RBFOX1: variants seen among roughly 807,000 people sequenced by gnomAD.
The protein encoded by RBFOX1 is RNA binding fox-1 homolog 1.
Under a neutral mutation model 57.7 loss-of-function variants are expected in RBFOX1, and 8 were observed. That is an observed-to-expected ratio of 0.14 (90% CI 0.08 to 0.25). RBFOX1 has a LOEUF of 0.25. Among genes scored for constraint, RBFOX1 ranks in the 10% least tolerant of loss-of-function variants. RBFOX1 has a pLI of 1.00. For synonymous variants in RBFOX1, 326 were observed against 222.4 expected, an observed-to-expected ratio of 1.47 and a Z score of -4.15; for missense variants, 611 against 548.5, an observed-to-expected ratio of 1.11 and a Z score of -1.14.
intron 2 of RBFOX1, among the ~76,000 whole-genome samples, chr16:6,547,223 A>G (rs992418317): frequency 6.6e-5 from 10 of 152,186 alleles, no homozygotes; most frequent in African/African-American, 2.4e-4. Flanking sequence ...CTAAAGTGGC[A>G]TATAGTATCT....
At chr16:6,792,094 T>A (rs1438283650) in intron 3 of RBFOX1, among the ~76,000 whole-genome samples, 1 of 152,150 alleles carries the variant, frequency 6.6e-6, no homozygotes, top group Non-Finnish European at 1.5e-5. Flanking sequence ...CTAAATACAT[T>A]TTAATAGTGG....
intron 3 of RBFOX1, among the ~76,000 whole-genome samples, chr16:6,767,957 AAGAAG>A (rs1215216725): frequency 3.0e-5 from 3 of 101,318 alleles, no homozygotes; most frequent in East Asian, 3.3e-4. Context: ...TAAGAAGAAG[AAGAAG>A]AAGAAGAAGA....
At chr16:7,227,084 T>G (rs1263642867) in intron 4 of RBFOX1, among the ~76,000 whole-genome samples, 1 of 152,162 alleles carries the variant, frequency 6.6e-6, no homozygotes, top group African/African-American at 2.4e-5. Context: ...CTGGCCAGTT[T>G]CTGTCATTTA....
At chr16:7,586,282 C>G (rs1439428033) in intron 6 of RBFOX1, among the ~76,000 whole-genome samples, 1 of 152,130 alleles carries the variant, frequency 6.6e-6, no homozygotes, top group Non-Finnish European at 1.5e-5. Flanking sequence ...CACAATACTT[C>G]ATGTGATCTC....
At chr16:6,083,436 A>C (rs1336696578) in intron 1 of RBFOX1, among the ~76,000 whole-genome samples, 1 of 152,106 alleles carries the variant, frequency 6.6e-6, no homozygotes, top group Admixed American at 6.5e-5. Context: ...TTTCAACTGC[A>C]TATCATTACT....
At chr16:6,928,540 C>A (rs746966647) in intron 3 of RBFOX1, among the ~76,000 whole-genome samples, 11 of 152,038 alleles carry the variant, frequency 7.2e-5, no homozygotes, top group Non-Finnish European at 1.5e-4. Flanking sequence ...TCGTTTTATC[C>A]AGGGTAACCT....
intron 1 of RBFOX1, among the ~76,000 whole-genome samples, chr16:5,369,959 C>A (rs552732518): frequency 6.6e-6 from 1 of 152,118 alleles, no homozygotes; most frequent in Non-Finnish European, 1.5e-5. Context: ...GGGGAGGCAT[C>A]GCTTAGAGTG....
At chr16:7,685,031 A>C (rs2058186) in intron 14 of RBFOX1, among the ~76,000 whole-genome samples, 140,163 of 152,080 alleles carry the variant, frequency 0.92, 64,706 homozygotes, top group East Asian at 0.98. Context: ...TGTAAAGTGT[A>C]GTTTCCAGAC....
intron 3 of RBFOX1, chr16:6,704,120 C>T (rs149192297): frequency 2.6e-5 from 4 of 152,216 alleles, no homozygotes; most frequent in Non-Finnish European, 5.9e-5. Context: ...TTTCTTAATT[C>T]ATTTCACCTT....
At chr16:6,832,695 T>C (rs976684383) in intron 3 of RBFOX1, among the ~76,000 whole-genome samples, 1 of 152,194 alleles carries the variant, frequency 6.6e-6, no homozygotes, top group Non-Finnish European at 1.5e-5. Flanking sequence ...AATAAGTTTC[T>C]CCACTTGCCC....
chr16:6,360,989 G>A (rs911831184), intron 2 of RBFOX1, among the ~76,000 whole-genome samples: 5 of 144,726 alleles, frequency 3.5e-5, no homozygotes, highest in African/African-American at 1.3e-4. Flanking sequence ...TTTTAGGCAG[G>A]TAATTTTTGC....
At chr16:6,828,273 C>T (rs540884964) in intron 3 of RBFOX1, among the ~76,000 whole-genome samples, 4 of 152,214 alleles carry the variant, frequency 2.6e-5, no homozygotes, top group African/African-American at 9.6e-5. Flanking sequence ...CAGCTGTAAT[C>T]CCAGCACTTT....
At chr16:6,828,624 G>A (rs2092429020) in intron 3 of RBFOX1, among the ~76,000 whole-genome samples, 1 of 152,020 alleles carries the variant, frequency 6.6e-6, no homozygotes, top group Non-Finnish European at 1.5e-5. Flanking sequence ...AGACCAAGTG[G>A]ACCCAACATG....
intron 2 of RBFOX1, among the ~76,000 whole-genome samples, chr16:5,523,002 TG>T (rs578222903): frequency 1.4e-4 from 21 of 148,592 alleles, no homozygotes; most frequent in African/African-American, 5.0e-4. Context: ...AAAATCATGG[TG>T]GGGGCTGGGC....
intron 4 of RBFOX1, among the ~76,000 whole-genome samples, chr16:7,242,229 A>C (rs1209326583): frequency 6.6e-6 from 1 of 152,172 alleles, no homozygotes; most frequent in Non-Finnish European, 1.5e-5. Context: ...TTATCCCCAA[A>C]GGACTGACAA....
At chr16:7,000,038 C>T (rs1316940421) in intron 3 of RBFOX1, among the ~76,000 whole-genome samples, 1 of 148,288 alleles carries the variant, frequency 6.7e-6, no homozygotes, top group Non-Finnish European at 1.5e-5. Context: ...CACCACTGCA[C>T]TCCAGCCTGG....
chr16:6,425,593 G>T (rs770431681), intron 2 of RBFOX1, among the ~76,000 whole-genome samples: 27 of 151,568 alleles, frequency 1.8e-4, no homozygotes, highest in Non-Finnish European at 3.2e-4. Flanking sequence ...ACTGTATGTG[G>T]TTTATCACTA....
intron 2 of RBFOX1, among the ~76,000 whole-genome samples, chr16:5,573,119 T>G (rs2046341162): frequency 6.6e-6 from 1 of 152,046 alleles, no homozygotes; most frequent in Admixed American, 6.6e-5. Flanking sequence ...TGACGAGAAT[T>G]GGGAGGTTCT....
At chr16:5,989,049 G>T (rs1254162044) in intron 4 of RBFOX1, among the ~76,000 whole-genome samples, 1 of 151,870 alleles carries the variant, frequency 6.6e-6, no homozygotes, top group Non-Finnish European at 1.5e-5. Flanking sequence ...AGCCAGGCGC[G>T]GTGGCTCACG....
Sources: gnomAD v4.1 joint callset for allele counts (sites outside exome capture counted in the v4.1 genomes callset) on GRCh38, gnomAD v4.1.1 for gene constraint, MANE v1.5 for transcripts, NCBI Gene and HGNC (gene_info 2026-07-23, HGNC 2026-07-21) for gene names.